Variants in NOP58 observed in about 807,000 individuals in gnomAD.
NOP58 encodes NOP58 ribonucleoprotein.
NOP58 carries 44 observed loss-of-function variants against 71.2 expected under a neutral mutation model. The observed-to-expected ratio is 0.62, with a 90% CI of 0.49 to 0.79. The LOEUF (loss-of-function observed/expected upper bound fraction) is 0.79. Among genes scored for constraint, NOP58 ranks in the 30% least tolerant of loss-of-function variants. The pLI, the probability that NOP58 is intolerant of heterozygous loss-of-function variation, is 0.00. For synonymous variants in NOP58, 228 were observed against 200.3 expected, an observed-to-expected ratio of 1.14 and a Z score of -1.17; for missense variants, 538 against 620.2, an observed-to-expected ratio of 0.87 and a Z score of 1.41.
chr2:202,283,531 C>G (rs1688741001), intron 4 of NOP58, among the ~76,000 whole-genome samples: 1 of 151,792 alleles, frequency 6.6e-6, no homozygotes, highest in Admixed American at 6.6e-5. Flanking sequence ...ACCTCCGCCT[C>G]CTGGGTTGAA....
At chr2:202,283,859 C>T (rs1280894761) in intron 4 of NOP58, among the ~76,000 whole-genome samples, 1 of 152,214 alleles carries the variant, frequency 6.6e-6, no homozygotes, top group Non-Finnish European at 1.5e-5. Flanking sequence ...AAGCTGTCTT[C>T]TGGAAGCTTG....
Position 202,303,602 on chromosome 2 carries a change from C to G in NOP58, c.*166C>G, listed in dbSNP as rs766930313. On this transcript the variant is annotated 3_prime_UTR_variant, in exon 15 of 15. Coordinates refer to ENST00000264279, the MANE Select transcript of NOP58 (RefSeq NM_015934.5). ...TTTGTCTTGACATCAACTCTGTTAA[C>G]CTTATGTCATCATTTCTTAGAGTCT... is the stretch of plus-strand genomic sequence containing the variant. The G allele has an allele frequency of 5.2e-6, 4 of 768,248 alleles. No homozygotes were observed. Among genetic ancestry groups the G allele is most frequent in the Non-Finnish European group, 7.6e-6 (4 of 527,188 alleles). The allele number at this position is 768,248 out of a possible 1,614,324, so 47.6% of individuals were successfully genotyped here.
intron 1 of NOP58, among the ~76,000 whole-genome samples, chr2:202,268,131 C>T (rs911770542): frequency 2.0e-5 from 3 of 152,102 alleles, no homozygotes; most frequent in African/African-American, 7.2e-5. Flanking sequence ...TATTAAGATA[C>T]ATGTAAAATT....
chr2:202,302,213 G>C (rs1158658597), intron 13 of NOP58, among the ~76,000 whole-genome samples: 2 of 149,704 alleles, frequency 1.3e-5, no homozygotes, highest in Non-Finnish European at 3.0e-5. Flanking sequence ...TCAGCCTCCT[G>C]AATAACTGGG....
chr2:202,296,935 G>A lies in NOP58; in HGVS notation c.1072-444G>A, dbSNP rs1017491173. Among the ~76,000 whole-genome samples the A allele has an allele frequency of 1.1e-4, 16 of 151,870 alleles. 1 individual carries two copies. In the East Asian group the frequency reaches 3.1e-3, roughly 30 times the overall value. ...TTTTTAGTAGAGACAGGGTTTCACC[G>A]TGTTAGCCAGGATGGTCTCGATCTC... On this transcript the variant is annotated intron_variant, in intron 10 of 14. Transcript: ENST00000264279.
At chr2:202,266,031 A>G (rs767189812) in intron 1 of NOP58, 45 bp downstream of exon 1, 6 of 1,603,368 alleles carry the variant, frequency 3.7e-6, no homozygotes, top group Non-Finnish European at 5.1e-6. Context: ...CGGATGCTGG[A>G]CAGACGAGGA....
chr2:202,293,506 T>C (rs1559265837), intron 9 of NOP58, among the ~76,000 whole-genome samples: 1 of 152,272 alleles, frequency 6.6e-6, no homozygotes, highest in African/African-American at 2.4e-5. Flanking sequence ...TCATCATTTT[T>C]ATGTTACTTG....
chr2:202,271,437 T>G (rs558385620), intron 1 of NOP58, among the ~76,000 whole-genome samples: 1 of 149,634 alleles, frequency 6.7e-6, no homozygotes, highest in South Asian at 2.1e-4. Context: ...CATGGCAGCA[T>G]GTGCCTGTAA....
At chr2:202,287,576 AAAAC>A in intron 5 of NOP58, 80 bp from the exon 6 acceptor site, 1 of 1,106,622 alleles carries the variant, frequency 9.0e-7, no homozygotes, top group Non-Finnish European at 1.4e-6. Flanking sequence ...AGTAAAAACA[AAAAC>A]AAAAAAAAAC....
intron 12 of NOP58, among the ~76,000 whole-genome samples, 157 bp downstream of exon 12, chr2:202,298,063 T>G (rs922735384): frequency 1.3e-5 from 2 of 152,240 alleles, no homozygotes; most frequent in Non-Finnish European, 2.9e-5. Context: ...GTATGTTGTT[T>G]TGGAAAATGT....
In NOP58 at chr2:202,300,231, C is replaced by T; in HGVS notation, c.1269-3C>T. The stretch of plus-strand genomic sequence containing the variant: ...ATTTTCTAAAACTTTTTGGGTCTTT[C>T]AGTGAAGTGAAGACTTACGATCCTT... On this transcript the variant is annotated splice_region_variant and splice_polypyrimidine_tract_variant and intron_variant, in intron 12 of 14. Coordinates refer to ENST00000264279, the MANE Select transcript of NOP58 (RefSeq NM_015934.5). 1.3e-6 allele frequency: 2 copies of T among 1,574,366 alleles called. No homozygotes were observed. The highest frequency in any genetic ancestry group is 8.5e-7 in the Non-Finnish European group (1 of 1,170,608).
intron 5 of NOP58, among the ~76,000 whole-genome samples, chr2:202,285,149 T>C (rs796613316): frequency 9.3e-5 from 14 of 151,136 alleles, no homozygotes; most frequent in African/African-American, 3.4e-4. Context: ...TCAAGTGATT[T>C]TCTTGCCTCA....
intron 10 of NOP58, 75 bp downstream of exon 10, chr2:202,295,912 G>T: frequency 8.9e-7 from 1 of 1,129,202 alleles, no homozygotes; most frequent in Non-Finnish European, 1.2e-6. Context: ...CTTCTACTCT[G>T]TAGTACACAT....
intron 1 of NOP58, among the ~76,000 whole-genome samples, chr2:202,266,847 G>C (rs983108253): frequency 6.6e-6 from 1 of 152,226 alleles, no homozygotes; most frequent in Non-Finnish European, 1.5e-5. Context: ...GTTTAAATAA[G>C]ATGTTAAGAA....
At chr2:202,278,479 C>T in intron 3 of NOP58, 1 of 338,254 alleles carries the variant, frequency 3.0e-6, no homozygotes, top group Non-Finnish European at 5.8e-6. Context: ...TATCAATATT[C>T]AGAGTTATAC....
intron 1 of NOP58, among the ~76,000 whole-genome samples, chr2:202,271,289 C>T (rs1688507672): frequency 6.6e-6 from 1 of 151,908 alleles, no homozygotes. Flanking sequence ...GGTGTGGTGG[C>T]TCACGCCTGT....
Position 202,300,361 on chromosome 2 carries a change from G to T in NOP58, c.1396G>T (p.Val466Phe), listed in dbSNP as rs1192528387. 6.3e-7 allele frequency: 1 copy of T among 1,579,988 alleles called. No homozygotes were observed. The highest frequency in any genetic ancestry group is 8.5e-7 in the Non-Finnish European group (1 of 1,169,842). ...GAAAGCCAAAAAAGCCAAGATTAAAGTTAAAGGTTAGTTTGAATTTTTTTT... is the reference window on the plus strand; with the variant it reads ...GAAAGCCAAAAAAGCCAAGATTAAATTTAAAGGTTAGTTTGAATTTTTTTT... ...EKKAKKAKIK[V>F]KVEEEEEEKV... is the part of the protein sequence containing the mutation. Residue 466 changes from valine to phenylalanine, a missense_variant, in exon 13 of 15, where the codon GTT becomes TTT. Transcript: ENST00000264279.
intron 8 of NOP58, among the ~76,000 whole-genome samples, chr2:202,291,991 TTTTTTTTTTTTTTG>T (rs1688909646): frequency 1.0e-5 from 1 of 99,920 alleles, no homozygotes. Flanking sequence ...TTTTTTTTTT[TTTTTTTTTTTTTTG>T]AGACAGAGTC....
intron 6 of NOP58, among the ~76,000 whole-genome samples, chr2:202,288,963 A>G (rs546406296): frequency 1.6e-4 from 25 of 152,188 alleles, no homozygotes; most frequent in African/African-American, 6.0e-4. Context: ...TACTAAAAAT[A>G]CAAAAAAGTA....
Sources: gnomAD v4.1 joint callset for allele counts (sites outside exome capture counted in the v4.1 genomes callset) on GRCh38, gnomAD v4.1.1 for gene constraint, MANE v1.5 for transcripts, NCBI Gene and HGNC (gene_info 2026-07-23, HGNC 2026-07-21) for gene names.